The following ZBTB20 variants were observed in gnomAD, a reference collection of about 807,000 sequenced individuals.
ZBTB20 encodes the protein zinc finger and BTB domain containing 20.
Under a neutral mutation model 56.9 loss-of-function variants are expected in ZBTB20, and 9 were observed. The observed-to-expected ratio is 0.16, with a 90% CI of 0.10 to 0.28. ZBTB20 has a LOEUF of 0.28. Ranked by LOEUF, ZBTB20 falls within the 10% of genes least tolerant of loss-of-function variation. The pLI is 1.00. For synonymous variants in ZBTB20, 417 were observed against 420.7 expected (o/e 0.99, Z 0.11); for missense variants, 655 against 1,003.0 (o/e 0.65, Z 4.69).
intron 6 of ZBTB20, among the ~76,000 whole-genome samples, chr3:114,661,671 A>G (rs1224480353): frequency 2.0e-5 from 3 of 152,118 alleles, no homozygotes; most frequent in African/African-American, 7.2e-5. Flanking sequence ...ATCAAAAATT[A>G]GTTTACTCTG....
intron 5 of ZBTB20, among the ~76,000 whole-genome samples, chr3:114,739,175 C>G (rs1163163429): frequency 6.6e-6 from 1 of 152,118 alleles, no homozygotes; most frequent in Non-Finnish European, 1.5e-5. Flanking sequence ...ACAGGCTCAC[C>G]CAAGAACTAC....
At chr3:115,097,886 C>A in intron 1 of ZBTB20, among the ~76,000 whole-genome samples, 1 of 152,158 alleles carries the variant, frequency 6.6e-6, no homozygotes, top group East Asian at 1.9e-4. Flanking sequence ...TAGATTGTGA[C>A]AGTCCCTCCC....
At chr3:114,763,642 T>C (rs537023423) in intron 5 of ZBTB20, among the ~76,000 whole-genome samples, 1 of 152,314 alleles carries the variant, frequency 6.6e-6, no homozygotes, top group Admixed American at 6.5e-5. Flanking sequence ...TAGTCATCTT[T>C]ATGTTTTTCA....
chr3:115,035,955 T>C (rs888259108), intron 2 of ZBTB20, among the ~76,000 whole-genome samples: 10 of 152,098 alleles, frequency 6.6e-5, no homozygotes, highest in African/African-American at 1.9e-4. Flanking sequence ...CTATGCTAAA[T>C]GAAATAAAGC....
At chr3:114,647,528 A>G (rs894434805) in intron 6 of ZBTB20, among the ~76,000 whole-genome samples, 1 of 152,204 alleles carries the variant, frequency 6.6e-6, no homozygotes, top group Non-Finnish European at 1.5e-5. Context: ...CCTTAGGTTG[A>G]GTGAAAGAAG....
At chr3:114,689,328 A>T (rs1228900446) in intron 6 of ZBTB20, among the ~76,000 whole-genome samples, 1 of 152,166 alleles carries the variant, frequency 6.6e-6, no homozygotes, top group Non-Finnish European at 1.5e-5. Flanking sequence ...TGCTTTTGTG[A>T]CATGTATTGG....
At chr3:114,348,925 C>A (rs2080412867) in intron 11 of ZBTB20, among the ~76,000 whole-genome samples, 1 of 152,176 alleles carries the variant, frequency 6.6e-6, no homozygotes, top group South Asian at 2.1e-4. Flanking sequence ...TGAGGCCAGG[C>A]ACAGTGGCTC....
chr3:115,046,417 C>T (rs900278952), intron 2 of ZBTB20, among the ~76,000 whole-genome samples: 1 of 152,082 alleles, frequency 6.6e-6, no homozygotes, highest in Non-Finnish European at 1.5e-5. Context: ...TCCTTTCCCC[C>T]AAAATGAGTA....
intron 1 of ZBTB20, among the ~76,000 whole-genome samples, chr3:115,108,513 A>C (rs2083787812): frequency 6.6e-6 from 1 of 152,194 alleles, no homozygotes; most frequent in South Asian, 2.1e-4. Flanking sequence ...TTTTAAAGTA[A>C]TGCCTAATAA....
At chr3:114,971,760 A>G (rs574947535) in intron 3 of ZBTB20, among the ~76,000 whole-genome samples, 9 of 152,358 alleles carry the variant, frequency 5.9e-5, no homozygotes, top group Admixed American at 3.3e-4. Flanking sequence ...TCCTCTGGGC[A>G]GTGATCAGCT....
At chr3:114,606,471 G>A (rs143160343) in intron 6 of ZBTB20, among the ~76,000 whole-genome samples, 16 of 152,172 alleles carry the variant, frequency 1.1e-4, no homozygotes, top group Non-Finnish European at 2.2e-4. Flanking sequence ...GCATAGCTGA[G>A]TTCAGTCATG....
At chr3:115,108,626 C>T (rs149661554) in intron 1 of ZBTB20, among the ~76,000 whole-genome samples, 137 of 152,148 alleles carry the variant, frequency 9.0e-4, no homozygotes, top group African/African-American at 3.1e-3. Flanking sequence ...AGTAGTAGAA[C>T]GAAGAATCAA....
At chr3:114,489,622 T>TTAATAATA (rs2042510638) in intron 7 of ZBTB20, among the ~76,000 whole-genome samples, 1 of 152,208 alleles carries the variant, frequency 6.6e-6, no homozygotes, top group South Asian at 2.1e-4. Flanking sequence ...TAAAAAATTA[T>TTAATAATA]TAATAATAGT....
chr3:114,761,433 A>C (rs1451717591), intron 5 of ZBTB20, among the ~76,000 whole-genome samples: 7 of 152,184 alleles, frequency 4.6e-5, no homozygotes, highest in Admixed American at 4.6e-4. Flanking sequence ...GATATACACT[A>C]TGTGAATTCA....
intron 2 of ZBTB20, among the ~76,000 whole-genome samples, chr3:115,067,982 C>G (rs2082269386): frequency 2.0e-5 from 3 of 152,082 alleles, no homozygotes; most frequent in Admixed American, 6.6e-5. Flanking sequence ...GCATATGAGT[C>G]AAGAACACAG....
chr3:114,658,818 GT>G (rs1461386310), intron 6 of ZBTB20: 10 of 152,150 alleles, frequency 6.6e-5, no homozygotes, highest in Non-Finnish European at 8.8e-5. Context: ...CTCTTCCCAT[GT>G]TTAATCTGGA....
At position 114,567,407 on chromosome 3, in the gene ZBTB20, T is replaced by C. The variant is rs576079006; in HGVS notation, c.-294-67016A>G. 4.3e-4 allele frequency among the ~76,000 whole-genome samples: 65 copies of C among 152,198 alleles called. 1 individual carries two copies. The highest frequency in any genetic ancestry group is 9.1e-4 in the Non-Finnish European group (62 of 68,036). ...ATAGCATGTTAAAATCCAAATTCTG[T>C]TATGTTATTGGCATTGGGATAAAAT... On this transcript the variant is annotated intron_variant, in intron 6 of 11. Transcript: ENST00000675478.
intron 3 of ZBTB20, among the ~76,000 whole-genome samples, chr3:114,923,356 AC>A (rs1370046758): frequency 2.6e-5 from 4 of 152,198 alleles, no homozygotes; most frequent in Admixed American, 6.5e-5. Flanking sequence ...ATAGTTTGGT[AC>A]CAGCATAAAA....
intron 5 of ZBTB20, among the ~76,000 whole-genome samples, chr3:114,752,495 A>C (rs1388329653): frequency 6.6e-6 from 1 of 152,186 alleles, no homozygotes; most frequent in African/African-American, 2.4e-5. Context: ...ATACATGCTC[A>C]AAAAAGTATC....
Sources: allele counts gnomAD v4.1 joint callset (sites outside exome capture counted in the v4.1 genomes callset), GRCh38; gene constraint gnomAD v4.1.1; transcripts MANE v1.5; gene names NCBI Gene and HGNC (gene_info 2026-07-23, HGNC 2026-07-21).